ACVR1C: variants seen among roughly 807,000 people sequenced by gnomAD.
ACVR1C encodes activin receptor type-1C.
A neutral mutation model predicts 57.9 loss-of-function variants in ACVR1C; 23 were observed. The ratio of observed to expected loss-of-function variants is 0.40; its 90% confidence interval spans 0.29 to 0.56. The LOEUF (loss-of-function observed/expected upper bound fraction) is 0.56, where lower values mean the gene tolerates loss of function less well. ACVR1C is among the 20% of genes least tolerant of loss of function. The pLI, the probability that ACVR1C is intolerant of heterozygous loss-of-function variation, is 0.50. For missense variants in ACVR1C, 480 were observed against 607.9 expected (o/e 0.79, Z 2.21); for synonymous variants, 214 against 215.3 (o/e 0.99, Z 0.05).
rs4474842 is a variant in ACVR1C at position 157,546,034 on chromosome 2, G to T, written c.776-1422C>A. On this transcript the variant is annotated intron_variant, in intron 4 of 8. Coordinates refer to ENST00000243349, the MANE Select transcript of ACVR1C (RefSeq NM_145259.3). ...TGACCTCAGGTGATCCACCCACCTTGGCCTCCCGAAGTGCTGGGATTACAG... is the reference window on the plus strand; with the variant it reads ...TGACCTCAGGTGATCCACCCACCTTTGCCTCCCGAAGTGCTGGGATTACAG... 5.9e-5 allele frequency among the ~76,000 whole-genome samples: 9 copies of T among 152,088 alleles called. No homozygotes were observed. The East Asian group carries it at 1.4e-3, about 23-fold the overall frequency.
At chr2:157,565,981 G>T (rs867806327) in intron 2 of ACVR1C, among the ~76,000 whole-genome samples, 19 of 152,138 alleles carry the variant, frequency 1.2e-4, no homozygotes, top group African/African-American at 4.6e-4. Flanking sequence ...TTTCACTCAA[G>T]CAGAGGTAAG....
At chr2:157,562,818 C>T (rs199712935) in intron 2 of ACVR1C, among the ~76,000 whole-genome samples, 10 of 152,098 alleles carry the variant, frequency 6.6e-5, no homozygotes, top group Non-Finnish European at 8.8e-5. Context: ...GTTCAACATA[C>T]GCAAATCAAT....
intron 2 of ACVR1C, among the ~76,000 whole-genome samples, chr2:157,567,057 C>T (rs1245977552): frequency 9.8e-6 from 1 of 101,530 alleles, no homozygotes; most frequent in Non-Finnish European, 2.0e-5. Context: ...GGTCCCTGAC[C>T]CCTGACCCCC....
chr2:157,537,771 G>GTCTTTTTCCCACCTTCTAC (rs1364841825), intron 8 of ACVR1C, among the ~76,000 whole-genome samples: 1 of 152,188 alleles, frequency 6.6e-6, no homozygotes, highest in African/African-American at 2.4e-5. Flanking sequence ...ATGGTTTAGA[G>GTCTTTTTCCCACCTTCTAC]TCTTTTTCCC....
intron 3 of ACVR1C, among the ~76,000 whole-genome samples, chr2:157,553,048 T>C (rs572546121): frequency 2.6e-5 from 4 of 152,360 alleles, no homozygotes; most frequent in African/African-American, 7.2e-5. Flanking sequence ...TTGCAGGCAT[T>C]ATGCATGTCT....
rs1687407665 is a variant in ACVR1C at position 157,533,525 on chromosome 2, T to C, written c.*393A>G. The C allele has an allele frequency of 6.5e-6, 1 of 153,122 alleles. No homozygotes were observed. The allele number at this position is 153,122 out of a possible 1,614,324, so 9.5% of individuals were successfully genotyped here. On this transcript the variant is annotated 3_prime_UTR_variant, in exon 9 of 9. Coordinates refer to ENST00000243349, the MANE Select transcript of ACVR1C (RefSeq NM_145259.3). ...AGCATGCTCTAATTTGCATGTTTAATTAATATGTTTTCATCTCAGAAAAAA... is the reference window on the plus strand; with the variant it reads ...AGCATGCTCTAATTTGCATGTTTAACTAATATGTTTTCATCTCAGAAAAAA...
At chr2:157,564,526 C>T (rs993916706) in intron 2 of ACVR1C, among the ~76,000 whole-genome samples, 2 of 152,164 alleles carry the variant, frequency 1.3e-5, no homozygotes, top group Non-Finnish European at 2.9e-5. Context: ...ATTAGCTCAA[C>T]CACTGTAGAA....
intron 1 of ACVR1C, among the ~76,000 whole-genome samples, chr2:157,587,848 G>C (rs943288732): frequency 3.3e-5 from 5 of 152,016 alleles, no homozygotes; most frequent in South Asian, 2.1e-4. Context: ...AGTGTGTTCT[G>C]TTCATTTGCC....
chr2:157,585,787 G>A (rs1420657908), intron 2 of ACVR1C, among the ~76,000 whole-genome samples: 2 of 152,116 alleles, frequency 1.3e-5, no homozygotes, highest in African/African-American at 4.8e-5. Flanking sequence ...CCAAAGCAAG[G>A]AAGTCTATGG....
chr2:157,575,651 C>A (rs1449950308), intron 2 of ACVR1C, among the ~76,000 whole-genome samples: 1 of 152,162 alleles, frequency 6.6e-6, no homozygotes, highest in Non-Finnish European at 1.5e-5. Context: ...GTTATATTAC[C>A]ACATTTAGCT....
chr2:157,605,993 A>G (rs751760513), intron 1 of ACVR1C, among the ~76,000 whole-genome samples: 5 of 151,290 alleles, frequency 3.3e-5, no homozygotes, highest in South Asian at 2.1e-4. Flanking sequence ...CTATCATTCT[A>G]TTCTCTATGT....
In ACVR1C at chr2:157,539,021, A is replaced by G. The variant is rs1034417259; in HGVS notation, c.1226-318T>C. ...TAACATTTCTATAATTGTATAAAAT[A>G]AATTTTATTTTTCTATTATTAAAAT... On this transcript the variant is annotated intron_variant, in intron 7 of 8. Transcript: ENST00000243349. 2.0e-5 allele frequency among the ~76,000 whole-genome samples: 3 copies of G among 149,724 alleles called. No individual in the cohort carries two copies. The East Asian group carries it at 5.8e-4, about 29-fold the overall frequency.
intron 4 of ACVR1C, among the ~76,000 whole-genome samples, chr2:157,548,833 A>T (rs1372986357): frequency 6.6e-6 from 1 of 152,240 alleles, no homozygotes; most frequent in Non-Finnish European, 1.5e-5. Flanking sequence ...TCATGCTCAA[A>T]GTAACATTAA....
chr2:157,612,041 G>A (rs1044123737), intron 1 of ACVR1C, among the ~76,000 whole-genome samples: 1 of 152,152 alleles, frequency 6.6e-6, no homozygotes, highest in African/African-American at 2.4e-5. Context: ...TCTGAGAAGT[G>A]CACACTTTGT....
At chr2:157,619,400 A>C (rs139982656) in intron 1 of ACVR1C, among the ~76,000 whole-genome samples, 21 of 152,160 alleles carry the variant, frequency 1.4e-4, no homozygotes, top group African/African-American at 4.8e-4. Flanking sequence ...GAGCTGAAGC[A>C]GTTGCTGAGA....
At chr2:157,586,567 T>C (rs1300941686) in intron 2 of ACVR1C, among the ~76,000 whole-genome samples, 1 of 152,138 alleles carries the variant, frequency 6.6e-6, no homozygotes, top group African/African-American at 2.4e-5. Context: ...AGGTTCCTGA[T>C]AAAGGGCCAG....
At chr2:157,618,527 C>T (rs2105156113) in intron 1 of ACVR1C, among the ~76,000 whole-genome samples, 1 of 151,652 alleles carries the variant, frequency 6.6e-6, no homozygotes, top group East Asian at 1.9e-4. Flanking sequence ...AAGCAGGACC[C>T]AAACATATGC....
intron 1 of ACVR1C, among the ~76,000 whole-genome samples, chr2:157,624,258 T>G (rs751433249): frequency 1.3e-5 from 2 of 152,160 alleles, no homozygotes; most frequent in Non-Finnish European, 2.9e-5. Context: ...GCTCTAAAAC[T>G]TCAAACTATA....
At chr2:157,597,012 G>A (rs904463538) in intron 1 of ACVR1C, among the ~76,000 whole-genome samples, 3 of 152,066 alleles carry the variant, frequency 2.0e-5, no homozygotes, top group African/African-American at 4.8e-5. Flanking sequence ...GGTAAGGGAC[G>A]GGGCAGGGGC....
Sources: allele counts gnomAD v4.1 joint callset (sites outside exome capture counted in the v4.1 genomes callset), GRCh38; gene constraint gnomAD v4.1.1; transcripts MANE v1.5; gene names NCBI Gene and HGNC (gene_info 2026-07-23, HGNC 2026-07-21).